Variants in PELI2 observed in about 807,000 individuals in gnomAD.
The protein encoded by PELI2 is pellino E3 ubiquitin protein ligase family member 2, also known as E3 ubiquitin-protein ligase pellino homolog 2.
PELI2 carries 23 observed loss-of-function variants against 42.3 expected under a neutral mutation model. The observed-to-expected ratio is 0.54, with a 90% CI of 0.39 to 0.77. The LOEUF (loss-of-function observed/expected upper bound fraction) is 0.77. Among genes scored for constraint, PELI2 ranks in the 30% least tolerant of loss-of-function variants. The pLI is 0.00. For missense variants in PELI2, 463 were observed against 553.2 expected, an observed-to-expected ratio of 0.84 and a Z score of 1.64; for synonymous variants, 245 against 212.2, an observed-to-expected ratio of 1.15 and a Z score of -1.34.
chr14:56,163,937 G>C (rs242416), intron 1 of PELI2, among the ~76,000 whole-genome samples: 127,030 of 152,158 alleles, frequency 0.83, 53,583 homozygotes, highest in African/African-American at 0.96. Flanking sequence ...ATTTGTTGAT[G>C]AATTCTAATA....
intron 1 of PELI2, among the ~76,000 whole-genome samples, chr14:56,123,293 A>G (rs1048804306): frequency 6.6e-6 from 1 of 152,090 alleles, no homozygotes; most frequent in African/African-American, 2.4e-5. Context: ...ACCTTCAAAT[A>G]TACCCTAACA....
At chr14:56,162,570 CAT>C (rs1220725502) in intron 1 of PELI2, among the ~76,000 whole-genome samples, 6 of 152,208 alleles carry the variant, frequency 3.9e-5, no homozygotes, top group South Asian at 2.1e-4. Flanking sequence ...CTGCAGCAAA[CAT>C]AGGAATGCAG....
intron 2 of PELI2, among the ~76,000 whole-genome samples, chr14:56,218,393 G>T (rs192505013): frequency 1.3e-5 from 2 of 152,240 alleles, no homozygotes; most frequent in Non-Finnish European, 2.9e-5. Flanking sequence ...GAGCAAAGAA[G>T]TAGTTCCAGG....
intron 2 of PELI2, among the ~76,000 whole-genome samples, chr14:56,234,757 A>ATTTT (rs1470864221): frequency 1.4e-4 from 21 of 149,398 alleles, no homozygotes; most frequent in African/African-American, 3.9e-4. Flanking sequence ...TTTTTTTTAA[A>ATTTT]AAATGTAAAA....
intron 1 of PELI2, among the ~76,000 whole-genome samples, chr14:56,146,720 T>G (rs900512772): frequency 1.3e-5 from 2 of 152,178 alleles, no homozygotes; most frequent in Non-Finnish European, 2.9e-5. Flanking sequence ...ATTACGGAAT[T>G]ATTAGGTTTG....
In PELI2 at chr14:56,228,058, A is replaced by G. The variant is rs183809425; in HGVS notation, c.207+49594A>G. ...GAAAATAATGTATCACTCCTAATAT[A>G]CGTAGTACAATGCTTTAATAATTTT... On this transcript the variant is annotated intron_variant, in intron 2 of 5. Coordinates refer to ENST00000267460, the MANE Select transcript of PELI2 (RefSeq NM_021255.3). Among the ~76,000 whole-genome samples, 230 of 152,354 alleles carry G rather than the reference A, an allele frequency of 1.5e-3. 1 individual carries two copies. Among genetic ancestry groups the G allele is most frequent in the African/African-American group, 5.3e-3 (222 of 41,580 alleles).
chr14:56,195,105 G>T (rs1886086840), intron 2 of PELI2, among the ~76,000 whole-genome samples: 1 of 152,196 alleles, frequency 6.6e-6, no homozygotes, highest in Non-Finnish European at 1.5e-5. Flanking sequence ...ACAGCTGTTA[G>T]TGAAATGTTT....
At chr14:56,142,187 T>C (rs749101639) in intron 1 of PELI2, among the ~76,000 whole-genome samples, 23 of 152,170 alleles carry the variant, frequency 1.5e-4, no homozygotes, top group Non-Finnish European at 2.2e-4. Flanking sequence ...TTCAAGTAAA[T>C]AGGCAACAAA....
chr14:56,277,063 G>A (rs935498992), intron 2 of PELI2, among the ~76,000 whole-genome samples: 4 of 152,220 alleles, frequency 2.6e-5, no homozygotes, highest in African/African-American at 9.6e-5. Context: ...ACAATAATTT[G>A]TGTCCAGTAA....
chr14:56,154,292 C>T (rs529151916), intron 1 of PELI2, among the ~76,000 whole-genome samples: 1 of 152,116 alleles, frequency 6.6e-6, no homozygotes, highest in Non-Finnish European at 1.5e-5. Context: ...CTACTTGATT[C>T]ATTGTTATTT....
intron 2 of PELI2, among the ~76,000 whole-genome samples, chr14:56,178,913 C>G (rs1488357293): frequency 6.6e-6 from 1 of 152,042 alleles, no homozygotes; most frequent in African/African-American, 2.4e-5. Flanking sequence ...TATTTTCCTT[C>G]TGTTAATTGA....
intron 2 of PELI2, among the ~76,000 whole-genome samples, chr14:56,261,212 A>C (rs1256689725): frequency 6.6e-6 from 1 of 152,164 alleles, no homozygotes; most frequent in Non-Finnish European, 1.5e-5. Flanking sequence ...AGCTTGCATT[A>C]ATACTTGGTA....
Position 56,296,645 on chromosome 14 carries a change from C to G in PELI2, c.742C>G (p.Leu248Val). The change falls in exon 6 of 6, where the codon CTG becomes GTG. Residue 248 changes from leucine (L) to valine (V), a missense_variant. This residue lies in a region of PELI2 where 343 missense variants were observed against 378.4 expected (regional missense o/e 0.91). Coordinates refer to ENST00000267460, the MANE Select transcript of PELI2 (RefSeq NM_021255.3). ...NVLQDGSLID[L>V]CGATLLWRTA... ...CCTGCAGGACGGCTCCCTCATTGAC[C>G]TGTGTGGGGCCACTCTCCTCTGGAG... is the stretch of plus-strand genomic sequence containing the variant. The G allele has an allele frequency of 6.2e-7, 1 of 1,613,426 alleles. No individual in the cohort carries two copies. Among genetic ancestry groups the G allele is most frequent in the Non-Finnish European group, 8.5e-7 (1 of 1,179,462 alleles).
At chr14:56,146,764 C>T (rs1488769657) in intron 1 of PELI2, among the ~76,000 whole-genome samples, 2 of 151,908 alleles carry the variant, frequency 1.3e-5, no homozygotes, top group Admixed American at 6.6e-5. Flanking sequence ...TGTGTTATAA[C>T]ATTATAAGAT....
chr14:56,131,723 T>A (rs1883491296), intron 1 of PELI2, among the ~76,000 whole-genome samples: 1 of 152,166 alleles, frequency 6.6e-6, no homozygotes, highest in Admixed American at 6.5e-5. Flanking sequence ...CTTCATCACC[T>A]TAGTAATTTG....
chr14:56,157,737 A>G (rs1338736954), intron 1 of PELI2, among the ~76,000 whole-genome samples: 1 of 152,214 alleles, frequency 6.6e-6, no homozygotes, highest in Non-Finnish European at 1.5e-5. Flanking sequence ...AAATTCTCTA[A>G]GCATATTCAA....
At chr14:56,271,129 C>T (rs1305323316) in intron 2 of PELI2, among the ~76,000 whole-genome samples, 2 of 152,192 alleles carry the variant, frequency 1.3e-5, no homozygotes, top group Non-Finnish European at 2.9e-5. Context: ...GTTTGATACC[C>T]TCTAGTCCTC....
At chr14:56,248,733 ACT>A (rs1457844155) in intron 2 of PELI2, among the ~76,000 whole-genome samples, 1 of 151,350 alleles carries the variant, frequency 6.6e-6, no homozygotes, top group African/African-American at 2.4e-5. Context: ...AAAAGGGGTG[ACT>A]CTAATCAGGC....
chr14:56,264,626 A>C (rs1383105664), intron 2 of PELI2, among the ~76,000 whole-genome samples: 2 of 152,196 alleles, frequency 1.3e-5, no homozygotes, highest in African/African-American at 4.8e-5. Context: ...CTGAAAGCCA[A>C]AGAAATTTAT....
Sources: allele counts gnomAD v4.1 joint callset (sites outside exome capture counted in the v4.1 genomes callset), GRCh38; gene constraint gnomAD v4.1.1; regional missense constraint gnomAD v4.1.1; transcripts MANE v1.5; gene names NCBI Gene and HGNC (gene_info 2026-07-23, HGNC 2026-07-21).